PRKG1: variants seen among roughly 807,000 people sequenced by gnomAD.
PRKG1 encodes the protein cGMP-dependent protein kinase 1.
PRKG1 carries 35 observed loss-of-function variants against 88.1 expected under a neutral mutation model. The observed-to-expected ratio is 0.40, with a 90% confidence interval of 0.30 to 0.53. The LOEUF (loss-of-function observed/expected upper bound fraction) is 0.53. Ranked by LOEUF, PRKG1 falls within the 20% of genes least tolerant of loss-of-function variation. PRKG1 has a pLI of 0.59. For missense variants in PRKG1, 540 were observed against 839.8 expected (o/e 0.64, Z 4.41); for synonymous variants, 303 against 292.5 (o/e 1.04, Z -0.37).
At chr10:52,281,260 A>T (rs923430798) in intron 13 of PRKG1, among the ~76,000 whole-genome samples, 13 of 152,282 alleles carry the variant, frequency 8.5e-5, no homozygotes, top group Admixed American at 1.3e-4. Context: ...ATGGGTTTTT[A>T]TATTATGGAA....
intron 2 of PRKG1, among the ~76,000 whole-genome samples, chr10:51,357,667 T>C (rs935550400): frequency 1.2e-4 from 19 of 152,028 alleles, no homozygotes; most frequent in Non-Finnish European, 4.4e-5. Flanking sequence ...CCCATAGTCA[T>C]TAGGGTTCTT....
chr10:51,421,323 T>C (rs1018176584), intron 2 of PRKG1, among the ~76,000 whole-genome samples: 4 of 152,104 alleles, frequency 2.6e-5, no homozygotes, highest in African/African-American at 9.7e-5. Flanking sequence ...GAGGCACATG[T>C]CACCATGCCT....
intron 4 of PRKG1, among the ~76,000 whole-genome samples, chr10:51,891,088 C>T (rs1841707985): frequency 9.3e-6 from 1 of 107,310 alleles, no homozygotes; most frequent in Admixed American, 9.6e-5. Flanking sequence ...ATACTGAAAC[C>T]CATCTCTACA....
At chr10:51,965,767 A>G (rs944076175) in intron 5 of PRKG1, among the ~76,000 whole-genome samples, 2 of 152,200 alleles carry the variant, frequency 1.3e-5, no homozygotes, top group Admixed American at 6.5e-5. Context: ...TCCTCCACTT[A>G]GCAGTCTGTT....
intron 2 of PRKG1, among the ~76,000 whole-genome samples, chr10:51,262,054 AT>A (rs1453958416): frequency 6.6e-6 from 1 of 150,804 alleles, no homozygotes; most frequent in Non-Finnish European, 1.5e-5. Context: ...GCCCGGCTAA[AT>A]TTTTGTGTTT....
intron 9 of PRKG1, among the ~76,000 whole-genome samples, chr10:52,174,420 T>C (rs1050677369): frequency 1.3e-5 from 2 of 151,954 alleles, no homozygotes; most frequent in Non-Finnish European, 2.9e-5. Context: ...ATATTAATAT[T>C]CTCTTCTGCA....
chr10:51,283,833 A>G (rs975271561), intron 2 of PRKG1, among the ~76,000 whole-genome samples: 3 of 152,206 alleles, frequency 2.0e-5, no homozygotes, highest in Non-Finnish European at 2.9e-5. Flanking sequence ...CTCTTGCACC[A>G]TCCACTCGAG....
chr10:51,586,079 G>A (rs764467790), intron 3 of PRKG1, among the ~76,000 whole-genome samples: 9 of 151,988 alleles, frequency 5.9e-5, no homozygotes, highest in South Asian at 2.1e-4. Context: ...TCGGTATCAC[G>A]CAACATACCC....
In PRKG1 at chr10:51,679,777, G is replaced by T. The variant is rs188868248; in HGVS notation, c.593-124808G>T. On this transcript the variant is annotated intron_variant, in intron 3 of 17. Coordinates refer to ENST00000373980, the MANE Select transcript of PRKG1 (RefSeq NM_006258.4). ...TAGGGTACATGTGCACATTGTGCAG[G>T]TTAGTTACATATGTATTCATGTGCC... 5.1e-3 allele frequency among the ~76,000 whole-genome samples: 707 copies of T among 139,920 alleles called. 4 individuals are homozygous for T. Among genetic ancestry groups the T allele is most frequent in the Non-Finnish European group, 8.8e-3 (563 of 63,966 alleles). The allele number at this position is 139,920 out of a possible 152,430, so 91.8% of individuals were successfully genotyped here. A position where few individuals can be genotyped will look rare whatever the true frequency, so the allele number is the denominator to read the frequency against.
At chr10:51,093,106 C>G (rs555383320) in intron 1 of PRKG1, among the ~76,000 whole-genome samples, 1 of 152,184 alleles carries the variant, frequency 6.6e-6, no homozygotes, top group East Asian at 1.9e-4. Context: ...TGAGCAAAAC[C>G]TAAAAGATAT....
At chr10:51,627,992 C>CTT (rs1166434553) in intron 3 of PRKG1, among the ~76,000 whole-genome samples, 2,711 of 29,246 alleles carry the variant, frequency 0.093, 144 homozygotes, top group African/African-American at 0.16. Context: ...TTCTTTCTTT[C>CTT]TCTCTCTCTC....
At chr10:51,712,854 C>G (rs1216558197) in intron 3 of PRKG1, among the ~76,000 whole-genome samples, 4 of 152,036 alleles carry the variant, frequency 2.6e-5, no homozygotes, top group Non-Finnish European at 5.9e-5. Flanking sequence ...TTATTTAATC[C>G]TCATCCTCAC....
At chr10:51,864,677 A>G (rs200240047) in intron 4 of PRKG1, among the ~76,000 whole-genome samples, 1 of 152,224 alleles carries the variant, frequency 6.6e-6, no homozygotes, top group East Asian at 1.9e-4. Flanking sequence ...GTATTATGAC[A>G]TGTTGGTGTC....
chr10:51,564,073 A>C (rs914345857), intron 3 of PRKG1, among the ~76,000 whole-genome samples: 3 of 152,116 alleles, frequency 2.0e-5, no homozygotes, highest in African/African-American at 4.8e-5. Flanking sequence ...TTTTCTTAGG[A>C]AAAAACTATT....
intron 3 of PRKG1, among the ~76,000 whole-genome samples, chr10:51,799,527 T>A (rs1839111190): frequency 6.6e-6 from 1 of 151,874 alleles, no homozygotes; most frequent in Non-Finnish European, 1.5e-5. Context: ...CGTGGCATAC[T>A]TGATTCTGGA....
At chr10:51,214,271 A>T (rs1041267387) in intron 2 of PRKG1, among the ~76,000 whole-genome samples, 2 of 152,168 alleles carry the variant, frequency 1.3e-5, no homozygotes, top group African/African-American at 4.8e-5. Flanking sequence ...GGAGCACATG[A>T]AAAGGTGTTA....
intron 2 of PRKG1, among the ~76,000 whole-genome samples, chr10:51,413,586 C>A (rs983009463): frequency 3.3e-5 from 5 of 152,160 alleles, no homozygotes; most frequent in African/African-American, 1.2e-4. Flanking sequence ...GTCTCGAACT[C>A]CTGACCTCGT....
chr10:51,843,090 A>ATTTTT (rs1200317452), intron 4 of PRKG1, among the ~76,000 whole-genome samples: 3 of 117,506 alleles, frequency 2.6e-5, no homozygotes, highest in Non-Finnish European at 5.6e-5. Context: ...TAGGAAAATT[A>ATTTTT]TTCTTTTTTT....
At chr10:51,781,520 T>G (rs1564644331) in intron 3 of PRKG1, among the ~76,000 whole-genome samples, 1 of 152,208 alleles carries the variant, frequency 6.6e-6, no homozygotes, top group Non-Finnish European at 1.5e-5. Flanking sequence ...AGACAAGCAT[T>G]GCAAAGTGTA....
Sources: gnomAD v4.1 joint callset for allele counts (sites outside exome capture counted in the v4.1 genomes callset) on GRCh38, gnomAD v4.1.1 for gene constraint, MANE v1.5 for transcripts, NCBI Gene and HGNC (gene_info 2026-07-23, HGNC 2026-07-21) for gene names.